The following KCNJ1 variants were observed in gnomAD, a reference collection of about 807,000 sequenced individuals.
The protein encoded by KCNJ1 is potassium inwardly rectifying channel subfamily J member 1, also known as ATP-sensitive inward rectifier potassium channel 1.
In KCNJ1, 24 loss-of-function variants were observed where a neutral mutation model predicts 21.9. That is an observed-to-expected ratio of 1.10 (90% CI 0.79 to 1.54). The LOEUF is 1.54. Among genes scored for constraint, KCNJ1 ranks in the 40% most tolerant of loss-of-function variants. The pLI is 0.00. For missense variants in KCNJ1, 457 were observed against 455.4 expected, an observed-to-expected ratio of 1.00 and a Z score of -0.03; for synonymous variants, 152 against 160.9, an observed-to-expected ratio of 0.94 and a Z score of 0.42.
At chr11:128,855,960 T>C (rs923228648) in intron 1 of KCNJ1, among the ~76,000 whole-genome samples, 21 of 152,234 alleles carry the variant, frequency 1.4e-4, no homozygotes, top group African/African-American at 4.6e-4. Flanking sequence ...GCAGAGGAAA[T>C]GCAGGAAGGA....
At position 128,838,530 on chromosome 11, in the gene KCNJ1, A is replaced by G. The variant is rs1943208422; in HGVS notation, c.*595T>C. 1 of 154,066 alleles carries G rather than the reference A, an allele frequency of 6.5e-6. No homozygotes were observed. Among genetic ancestry groups the G allele is most frequent in the Non-Finnish European group, 1.4e-5 (1 of 69,458 alleles). The allele number at this position is 154,066 out of a possible 1,614,324, so 9.5% of individuals were successfully genotyped here. A position where few individuals can be genotyped will look rare whatever the true frequency, so the allele number is the denominator to read the frequency against. On this transcript the variant is annotated 3_prime_UTR_variant, in exon 3 of 3. Transcript: ENST00000392666. ...AAAGCATTCTGTCTTGCAGGAAGGT[A>G]TCATCAAGATTCTAGTGTGCAGATT... is the stretch of plus-strand genomic sequence containing the variant.
At chr11:128,862,550 G>A (rs1314734205) in intron 1 of KCNJ1, among the ~76,000 whole-genome samples, 1 of 152,186 alleles carries the variant, frequency 6.6e-6, no homozygotes, top group Non-Finnish European at 1.5e-5. Context: ...GGGGAGCCTG[G>A]TTGGTAGGTT....
chr11:128,855,680 T>C (rs183757999), intron 1 of KCNJ1, among the ~76,000 whole-genome samples: 34 of 152,302 alleles, frequency 2.2e-4, no homozygotes, highest in South Asian at 6.2e-4. Flanking sequence ...TCCATGAACA[T>C]GGAAATAAGG....
intron 1 of KCNJ1, among the ~76,000 whole-genome samples, chr11:128,862,257 C>A (rs2135961869): frequency 6.6e-6 from 1 of 152,354 alleles, no homozygotes; most frequent in Middle Eastern, 3.4e-3. Flanking sequence ...TCTCCACTCT[C>A]TGGCAGCCTC....
intron 1 of KCNJ1, among the ~76,000 whole-genome samples, chr11:128,862,624 C>T (rs1421093086): frequency 6.6e-6 from 1 of 152,226 alleles, no homozygotes; most frequent in East Asian, 1.9e-4. Context: ...ACCTGCCATC[C>T]CTACTCATCC....
chr11:128,851,874 T>C (rs1943483385), intron 1 of KCNJ1, among the ~76,000 whole-genome samples: 1 of 152,220 alleles, frequency 6.6e-6, no homozygotes. Flanking sequence ...AGAAGGCTGG[T>C]GTAGCCCAGC....
chr11:128,840,393 G>C lies in KCNJ1; in HGVS notation c.-21-129C>G. 6 of 891,516 alleles carry C rather than the reference G, an allele frequency of 6.7e-6. 1 individual carries two copies. The South Asian group carries it at 8.8e-5, about 13-fold the overall frequency. The allele number at this position is 891,516 out of a possible 1,614,324, so 55.2% of individuals were successfully genotyped here. A position where few individuals can be genotyped will look rare whatever the true frequency, so the allele number is the denominator to read the frequency against. On this transcript the variant is annotated intron_variant, in intron 2 of 2. Transcript: ENST00000392666. ...ATCTGGGTTACTAATCATTTGGCAA[G>C]CTGACAAGTTTATTCTGGATACCAC...
chr11:128,845,742 G>T (rs993633094), intron 2 of KCNJ1, among the ~76,000 whole-genome samples: 3 of 152,216 alleles, frequency 2.0e-5, no homozygotes, highest in Non-Finnish European at 4.4e-5. Context: ...GGGCATAGAA[G>T]AGGGCATCTG....
chr11:128,860,095 G>GAC (rs1943675583), intron 1 of KCNJ1, among the ~76,000 whole-genome samples: 1 of 148,528 alleles, frequency 6.7e-6, no homozygotes. Context: ...CGCCCGGAAG[G>GAC]ACACCTGTCT....
intron 2 of KCNJ1, chr11:128,842,347 T>C (rs1430564727): frequency 1.4e-5 from 22 of 1,612,724 alleles, no homozygotes; most frequent in Non-Finnish European, 1.9e-5. Flanking sequence ...TCTGCCTGGC[T>C]TTCCAGAGAG....
At position 128,839,454 on chromosome 11, in the gene KCNJ1, C is replaced by T. The variant is rs868856269; in HGVS notation, c.790G>A (p.Ala264Thr). 2.5e-6 allele frequency: 4 copies of T among 1,614,170 alleles called. No individual in the cohort carries two copies. Among genetic ancestry groups the T allele is most frequent in the South Asian group, 1.1e-5 (1 of 91,088 alleles). Residue 264 changes from alanine (A) to threonine (T), a missense_variant, in exon 3 of 3, where the codon GCG (alanine) becomes ACG (threonine). Physicochemically the swap from Ala to Thr is moderately conservative, Grantham distance 58 (BLOSUM62 0). Coordinates refer to ENST00000392666, the MANE Select transcript of KCNJ1 (RefSeq NM_153766.3). ...AAGTCCTGCTGGAGAAGGGTCTCCG[C>T]TGCCATGTGGAAGAAAGGGCTGTTG... is the stretch of plus-strand genomic sequence containing the variant. ...DHNSPFFHMA[A>T]ETLLQQDFEL...
At position 128,863,580 on chromosome 11, in the gene KCNJ1, C is replaced by T. The variant is rs547089659; in HGVS notation, c.-192+3593G>A. Reference sequence around the variant, plus strand: ...GGGAAAATTCAGATTTACATTTTTCCTAGGGCCTTTGAGTTGCATATTTCT... The same window carrying T: ...GGGAAAATTCAGATTTACATTTTTCTTAGGGCCTTTGAGTTGCATATTTCT... On this transcript the variant is annotated intron_variant, in intron 1 of 2. Transcript: ENST00000392666. 4.3e-4 allele frequency among the ~76,000 whole-genome samples: 65 copies of T among 152,252 alleles called. 1 individual carries two copies. The South Asian group carries it at 0.013, about 31-fold the overall frequency.
intron 2 of KCNJ1, among the ~76,000 whole-genome samples, chr11:128,849,171 G>A (rs1943439368): frequency 6.6e-6 from 1 of 152,252 alleles, no homozygotes; most frequent in Admixed American, 6.5e-5. Context: ...GAGGCTCAGA[G>A]AAGTTAAGCA....
rs117189807 is a variant in KCNJ1, at chr11:128,838,528, G to C, written c.*597C>G. ...CTAAAGCATTCTGTCTTGCAGGAAG[G>C]TATCATCAAGATTCTAGTGTGCAGA... On this transcript the variant is annotated 3_prime_UTR_variant, in exon 3 of 3. Coordinates refer to ENST00000392666, the MANE Select transcript of KCNJ1 (RefSeq NM_153766.3). 1.9e-5 allele frequency: 3 copies of C among 153,954 alleles called. No homozygotes were observed. Among genetic ancestry groups the C allele is most frequent in the African/African-American group, 7.2e-5 (3 of 41,456 alleles). 9.5% of individuals were successfully genotyped at this position (153,954 alleles called of 1,614,324 possible).
At chr11:128,842,605 C>A (rs1173285789) in intron 2 of KCNJ1, 2 of 1,282,342 alleles carry the variant, frequency 1.6e-6, no homozygotes, top group East Asian at 5.2e-5. Context: ...GTTCTCAGAC[C>A]AAGCCCCAAG....
In KCNJ1 at chr11:128,840,252, T is replaced by C. The variant is rs200880089; in HGVS notation, c.-9A>G. Reference sequence around the variant, plus strand: ...CGAAGATGTTTGAACATACTTTCTGTCAACACCCTGATCTGAAAACACATC... The same window carrying C: ...CGAAGATGTTTGAACATACTTTCTGCCAACACCCTGATCTGAAAACACATC... On this transcript the variant is annotated 5_prime_UTR_variant, in exon 3 of 3. Coordinates refer to ENST00000392666, the MANE Select transcript of KCNJ1 (RefSeq NM_153766.3). 42 of 1,614,128 alleles carry C rather than the reference T, an allele frequency of 2.6e-5. No individual in the cohort carries two copies. The Middle Eastern group carries it at 6.6e-4, about 25-fold the overall frequency.
At chr11:128,854,704 C>A (rs993855915) in intron 1 of KCNJ1, among the ~76,000 whole-genome samples, 4 of 152,194 alleles carry the variant, frequency 2.6e-5, no homozygotes, top group African/African-American at 9.7e-5. Context: ...TGCGTACTTC[C>A]TGAATAAGGG....
In KCNJ1 at chr11:128,838,315, T is replaced by C. The variant is rs922177977; in HGVS notation, c.*810A>G. The C allele has an allele frequency of 6.6e-6, 1 of 152,592 alleles. No homozygotes were observed. The highest frequency in any genetic ancestry group is 2.4e-5 in the African/African-American group (1 of 41,456). 9.5% of individuals were successfully genotyped at this position (152,592 alleles called of 1,614,324 possible). On this transcript the variant is annotated 3_prime_UTR_variant, in exon 3 of 3. Coordinates refer to ENST00000392666, the MANE Select transcript of KCNJ1 (RefSeq NM_153766.3). ...AGAAATAGCATTCCAGTACAAACTCTAGGTGGAGGAACACATGAAACTGTT... is the reference window on the plus strand; with the variant it reads ...AGAAATAGCATTCCAGTACAAACTCCAGGTGGAGGAACACATGAAACTGTT...
chr11:128,855,779 C>G (rs1943577285), intron 1 of KCNJ1, among the ~76,000 whole-genome samples: 1 of 152,218 alleles, frequency 6.6e-6, no homozygotes, highest in Non-Finnish European at 1.5e-5. Context: ...AAATGCCAGG[C>G]TCCTTCCTTG....
Sources: allele counts gnomAD v4.1 joint callset (sites outside exome capture counted in the v4.1 genomes callset), GRCh38; gene constraint gnomAD v4.1.1; transcripts MANE v1.5; gene names NCBI Gene and HGNC (gene_info 2026-07-23, HGNC 2026-07-21).